Variants in GALC observed in about 807,000 individuals in gnomAD.
GALC encodes the protein galactosylceramidase, also known as galactocerebrosidase.
In GALC, 77 loss-of-function variants were observed where a neutral mutation model predicts 91.8. That is an observed-to-expected ratio of 0.84 (90% CI 0.70 to 1.01). The LOEUF is 1.01. Ranked by LOEUF, GALC falls within the 50% of genes least tolerant of loss-of-function variation. The pLI is 0.00. For missense variants in GALC, 882 were observed against 855.9 expected (o/e 1.03, Z -0.38); for synonymous variants, 357 against 306.7 (o/e 1.16, Z -1.71).
At chr14:87,940,352 C>A (rs1018361843) in intron 15 of GALC, among the ~76,000 whole-genome samples, 4 of 151,854 alleles carry the variant, frequency 2.6e-5, no homozygotes, top group Non-Finnish European at 5.9e-5. Flanking sequence ...AAATTTCCAG[C>A]CAGTCTAATT....
In GALC at chr14:87,976,432, A is replaced by G. The variant is rs1595226323; in HGVS notation, c.678T>C (p.Ser226=). 6.2e-7 allele frequency: 1 copy of G among 1,613,564 alleles called. No homozygotes were observed. The highest frequency in any genetic ancestry group is 8.5e-7 in the Non-Finnish European group (1 of 1,179,468). ...CAGAGATGGACTCCCAGAGATTATC[A>G]CTTGCTATGATTTTCACTCGCTGGA... ...QGLQRVKIIA[S]DNLWESISAS... is the part of the protein sequence containing the mutation. Residue 226 remains serine (S), a synonymous_variant, in exon 7 of 17, where the codon AGT becomes AGC. Coordinates refer to ENST00000261304, the MANE Select transcript of GALC (RefSeq NM_000153.4).
chr14:87,977,847 T>C (rs753407981), intron 6 of GALC, among the ~76,000 whole-genome samples: 1 of 152,194 alleles, frequency 6.6e-6, no homozygotes, highest in East Asian at 1.9e-4. Flanking sequence ...AGATATATTA[T>C]AGGATTTTAG....
chr14:87,983,846 T>A (rs369656384), intron 5 of GALC, among the ~76,000 whole-genome samples: 1 of 152,220 alleles, frequency 6.6e-6, no homozygotes, highest in Non-Finnish European at 1.5e-5. Flanking sequence ...ATCTGGCCCA[T>A]CATCTGTAAT....
chr14:87,973,710 T>C (rs1024537884), intron 7 of GALC, among the ~76,000 whole-genome samples: 3 of 152,164 alleles, frequency 2.0e-5, no homozygotes, highest in African/African-American at 7.2e-5. Context: ...TATGAAGCAG[T>C]TCCTCAACCT....
chr14:87,985,928 G>A (rs1886949904), intron 4 of GALC, among the ~76,000 whole-genome samples: 1 of 152,140 alleles, frequency 6.6e-6, no homozygotes, highest in African/African-American at 2.4e-5. Context: ...GGCTTCCTGA[G>A]TCCCAGAACA....
intron 13 of GALC, among the ~76,000 whole-genome samples, chr14:87,946,874 T>C (rs550712856): frequency 9.9e-5 from 15 of 152,038 alleles, no homozygotes; most frequent in African/African-American, 3.4e-4. Flanking sequence ...AAAGGCCTTA[T>C]ACTCCAGCCA....
intron 7 of GALC, among the ~76,000 whole-genome samples, chr14:87,972,710 A>T (rs546767902): frequency 6.6e-6 from 1 of 152,288 alleles, no homozygotes; most frequent in Non-Finnish European, 1.5e-5. Context: ...TGTGGAAAAC[A>T]CAGTGAGGAA....
chr14:87,942,012 C>T (rs992900857), intron 14 of GALC, among the ~76,000 whole-genome samples: 5 of 151,824 alleles, frequency 3.3e-5, no homozygotes, highest in African/African-American at 7.3e-5. Flanking sequence ...CAAGCTATTC[C>T]GGGGCCAACT....
At chr14:87,958,604 T>A (rs1242435287) in intron 10 of GALC, among the ~76,000 whole-genome samples, 1 of 152,130 alleles carries the variant, frequency 6.6e-6, no homozygotes, top group Non-Finnish European at 1.5e-5. Context: ...ACTAAAAGGC[T>A]ATAGTAACGA....
intron 14 of GALC, among the ~76,000 whole-genome samples, chr14:87,943,092 T>A (rs1884924650): frequency 6.6e-6 from 1 of 152,070 alleles, no homozygotes; most frequent in Non-Finnish European, 1.5e-5. Context: ...GATTCTTGCA[T>A]CAGAACTTGC....
At chr14:87,993,497 C>T (rs970293842), upstream of GALC, 3 of 1,534,246 alleles carry the variant, frequency 2.0e-6, no homozygotes, top group Non-Finnish European at 2.6e-6. Flanking sequence ...TCTTCCCCAG[C>T]ATCTCAGGGA....
chr14:87,973,678 A>G (rs1595223655), intron 7 of GALC, among the ~76,000 whole-genome samples: 1 of 152,192 alleles, frequency 6.6e-6, no homozygotes, highest in African/African-American at 2.4e-5. Flanking sequence ...TAACTAAACG[A>G]AGAAGAAACC....
chr14:87,964,706 T>C (rs1269411073), intron 9 of GALC, among the ~76,000 whole-genome samples: 1 of 152,130 alleles, frequency 6.6e-6, no homozygotes, highest in African/African-American at 2.4e-5. Flanking sequence ...GCTATGTAAA[T>C]TATGTCTTGT....
intron 12 of GALC, among the ~76,000 whole-genome samples, chr14:87,949,504 G>C (rs939850217): frequency 2.6e-5 from 4 of 152,000 alleles, no homozygotes; most frequent in African/African-American, 9.7e-5. Context: ...AAATCCAGGA[G>C]AGCGATAATG....
intron 10 of GALC, chr14:87,952,593 C>T (rs570914048): frequency 3.3e-5 from 47 of 1,421,966 alleles, no homozygotes; most frequent in South Asian, 4.7e-5. Flanking sequence ...TGCTGACCCC[C>T]GGAAAAAAAT....
intron 8 of GALC, among the ~76,000 whole-genome samples, chr14:87,967,174 TGTC>T (rs1194282751): frequency 1.3e-5 from 2 of 152,226 alleles, no homozygotes; most frequent in African/African-American, 2.4e-5. Flanking sequence ...AAGTTCCTAA[TGTC>T]GTCTCAAGTG....
At chr14:87,940,029 A>C in intron 15 of GALC, 48 bp from the exon 16 acceptor site, 2 of 1,410,930 alleles carry the variant, frequency 1.4e-6, no homozygotes, top group Non-Finnish European at 2.0e-6. Context: ...TGAGATCTCA[A>C]TCACAGAATC....
rs148098570 is a variant in GALC at position 87,950,612 on chromosome 14, T to C, written c.1251+47A>G. On this transcript the variant is annotated intron_variant, in intron 11 of 16. Coordinates refer to ENST00000261304, the MANE Select transcript of GALC (RefSeq NM_000153.4). ...AACTACTGGCCTGTGACAGAATATA[T>C]AAATTCTTAAATCAAAACTAAAATA... 6.3e-4 allele frequency: 760 copies of C among 1,200,882 alleles called. 4 individuals are homozygous for C. The African/African-American group carries it at 0.01, about 16-fold the overall frequency. The allele number at this position is 1,200,882 out of a possible 1,614,324, so 74.4% of individuals were successfully genotyped here. A position where few individuals can be genotyped will look rare whatever the true frequency, so the allele number is the denominator to read the frequency against.
chr14:87,972,256 T>C (rs1886322457), intron 7 of GALC, among the ~76,000 whole-genome samples: 2 of 152,164 alleles, frequency 1.3e-5, no homozygotes, highest in African/African-American at 4.8e-5. Context: ...ATCTCACAAA[T>C]TTATATAATA....
Sources: allele counts gnomAD v4.1 joint callset (sites outside exome capture counted in the v4.1 genomes callset), GRCh38; gene constraint gnomAD v4.1.1; transcripts MANE v1.5; gene names NCBI Gene and HGNC (gene_info 2026-07-23, HGNC 2026-07-21).